Variants in SAMMSON observed in about 807,000 individuals in gnomAD.
The protein encoded by SAMMSON is survival associated mitochondrial melanoma specific oncogenic non-coding RNA.
intron 4 of SAMMSON, among the ~76,000 whole-genome samples, chr3:70,165,653 G>A (rs917962851): frequency 3.3e-5 from 5 of 151,934 alleles, no homozygotes; most frequent in African/African-American, 7.2e-5. Context: ...GAAATGCTAC[G>A]AAAAGCTCAT....
chr3:70,334,530 C>T (rs979384134), intron 7 of SAMMSON, among the ~76,000 whole-genome samples: 1 of 151,906 alleles, frequency 6.6e-6, no homozygotes, highest in African/African-American at 2.4e-5. Context: ...CAATGTTTTC[C>T]TTCTTGCTAC....
rs556826301 is a variant in SAMMSON, at chr3:70,016,902, T to G, written n.417+3230T>G. Among the ~76,000 whole-genome samples the G allele has an allele frequency of 1.6e-3, 240 of 152,266 alleles. 3 individuals carry two copies. The South Asian group carries it at 0.018, about 12-fold the overall frequency. ...GTCAAAGATCAGATGGTTGTAGATA[T>G]GCGGCATTATTTCTAAGGGCTCTGT... On this transcript the variant is annotated intron_variant and non_coding_transcript_variant, in intron 3 of 9. Coordinates refer to ENST00000642114, the Ensembl canonical transcript of SAMMSON.
chr3:70,332,495 C>G (rs1334772026), intron 7 of SAMMSON, among the ~76,000 whole-genome samples: 2 of 152,166 alleles, frequency 1.3e-5, no homozygotes, highest in African/African-American at 4.8e-5. Flanking sequence ...TCAAACTGAG[C>G]TCACCTCTTG....
At chr3:70,433,691 T>A (rs1701434157) in intron 2 of SAMMSON, among the ~76,000 whole-genome samples, 1 of 152,174 alleles carries the variant, frequency 6.6e-6, no homozygotes, top group Non-Finnish European at 1.5e-5. Flanking sequence ...TTTCATGGAT[T>A]ATGCTTTTCA....
At chr3:70,411,064 C>T (rs1040437797) in intron 2 of SAMMSON, among the ~76,000 whole-genome samples, 4 of 152,150 alleles carry the variant, frequency 2.6e-5, no homozygotes, top group Admixed American at 6.5e-5. Context: ...ACCCCTACCC[C>T]GCGCAATTAG....
chr3:70,290,120 T>A (rs1413800189), intron 6 of SAMMSON, among the ~76,000 whole-genome samples: 8 of 152,064 alleles, frequency 5.3e-5, no homozygotes, highest in Admixed American at 5.2e-4. Context: ...CGTTCCTTTG[T>A]AGGAGGAGAG....
At chr3:70,245,709 A>ATATATATG (rs1701700825) in intron 4 of SAMMSON, among the ~76,000 whole-genome samples, 2 of 139,528 alleles carry the variant, frequency 1.4e-5, no homozygotes, top group South Asian at 2.3e-4. Context: ...ATATATATAT[A>ATATATATG]TATATACACA....
intron 6 of SAMMSON, among the ~76,000 whole-genome samples, chr3:70,258,510 C>G (rs1701838058): frequency 6.6e-6 from 1 of 152,146 alleles, no homozygotes; most frequent in Admixed American, 6.6e-5. Context: ...TCTAGACTAT[C>G]CAGTCACATG....
intron 4 of SAMMSON, among the ~76,000 whole-genome samples, chr3:70,202,918 A>G (rs1379835594): frequency 2.6e-5 from 4 of 152,052 alleles, no homozygotes; most frequent in Admixed American, 2.6e-4. Context: ...AGGTTCCACA[A>G]GTGTGTTTGA....
chr3:70,108,715 C>A (rs1197895819), intron 4 of SAMMSON, among the ~76,000 whole-genome samples: 1 of 151,800 alleles, frequency 6.6e-6, no homozygotes, highest in Non-Finnish European at 1.5e-5. Flanking sequence ...TCCCTCCCCG[C>A]ATGCACACAA....
At chr3:70,357,191 T>C (rs932374124) in intron 8 of SAMMSON, among the ~76,000 whole-genome samples, 4 of 152,132 alleles carry the variant, frequency 2.6e-5, no homozygotes, top group East Asian at 1.9e-4. Context: ...ATAAACAACA[T>C]TGAACTGCAT....
intron 8 of SAMMSON, among the ~76,000 whole-genome samples, chr3:70,354,658 G>A (rs1220121525): frequency 6.6e-6 from 1 of 152,176 alleles, no homozygotes; most frequent in African/African-American, 2.4e-5. Flanking sequence ...TGCATTATGT[G>A]AGGCTATGCT....
chr3:70,288,582 C>G (rs6805728), intron 6 of SAMMSON, among the ~76,000 whole-genome samples: 51,174 of 138,530 alleles, frequency 0.37, 10,039 homozygotes, highest in South Asian at 0.51. Context: ...GGTCCACTTG[C>G]TGCAGAGCTG....
intron 6 of SAMMSON, among the ~76,000 whole-genome samples, chr3:70,256,518 C>T (rs145342263): frequency 6.6e-6 from 1 of 152,122 alleles, no homozygotes; most frequent in Non-Finnish European, 1.5e-5. Flanking sequence ...TTCTTAAGTG[C>T]CATGTATTGA....
chr3:70,090,393 T>C (rs898191474), intron 4 of SAMMSON, among the ~76,000 whole-genome samples: 1 of 152,196 alleles, frequency 6.6e-6, no homozygotes, highest in Non-Finnish European at 1.5e-5. Context: ...GCTTGTGAAA[T>C]TGAACAACTG....
chr3:70,346,630 T>C (rs1023488312), intron 7 of SAMMSON, among the ~76,000 whole-genome samples: 1 of 152,076 alleles, frequency 6.6e-6, no homozygotes, highest in Non-Finnish European at 1.5e-5. Flanking sequence ...AAAGAGAAAA[T>C]GAAAGCTTAG....
intron 4 of SAMMSON, among the ~76,000 whole-genome samples, chr3:70,142,567 G>A (rs1218461758): frequency 6.6e-6 from 1 of 152,070 alleles, no homozygotes; most frequent in Non-Finnish European, 1.5e-5. Flanking sequence ...AGTGATAAAA[G>A]ACTACAAATT....
intron 3 of SAMMSON, among the ~76,000 whole-genome samples, chr3:70,041,748 T>C (rs1269398589): frequency 6.6e-6 from 1 of 152,120 alleles, no homozygotes; most frequent in Non-Finnish European, 1.5e-5. Context: ...CTAGAGATGA[T>C]TTAAAGTATA....
chr3:70,255,060 A>G (rs1329574867), intron 6 of SAMMSON, among the ~76,000 whole-genome samples: 1 of 152,242 alleles, frequency 6.6e-6, no homozygotes, highest in Non-Finnish European at 1.5e-5. Context: ...AGCTTGAGAA[A>G]GAGAGAAACG....
Sources: gnomAD v4.1 joint callset for allele counts (sites outside exome capture counted in the v4.1 genomes callset) on GRCh38, gnomAD v4.1.1 for gene constraint, MANE v1.5 for transcripts, NCBI Gene and HGNC (gene_info 2026-07-23, HGNC 2026-07-21) for gene names.